Variants in TTBK2 observed in about 807,000 individuals in gnomAD.
TTBK2 encodes tau-tubulin kinase 2.
TTBK2 carries 28 observed loss-of-function variants against 110.8 expected under a neutral mutation model. The observed-to-expected ratio is 0.25, with a 90% CI of 0.19 to 0.35. The LOEUF is 0.35. Among genes scored for constraint, TTBK2 ranks in the 10% least tolerant of loss-of-function variants. The pLI, the probability that TTBK2 is intolerant of heterozygous loss-of-function variation, is 1.00. For missense variants in TTBK2, 1,369 were observed against 1,500.3 expected (o/e 0.91, Z 1.45); for synonymous variants, 532 against 527.3 (o/e 1.01, Z -0.12).
At chr15:42,807,440 G>GGCCGGGTGCGGTGGCTCACGCC (rs1481471908) in intron 9 of TTBK2, among the ~76,000 whole-genome samples, 1 of 151,924 alleles carries the variant, frequency 6.6e-6, no homozygotes, top group African/African-American at 2.4e-5. Flanking sequence ...TTGAGATGGA[G>GGCCGGGTGCGGTGGCTCACGCC]TCTCACCCTG....
chr15:42,800,885 G>T, intron 9 of TTBK2: 1 of 627,732 alleles, frequency 1.6e-6, no homozygotes, highest in Admixed American at 2.7e-5. Context: ...TGGGTCTCCC[G>T]TTCCCTGTGT....
In TTBK2 at chr15:42,775,015, C is replaced by T; in HGVS notation, c.1998+120G>A. 4 of 1,049,210 alleles carry T rather than the reference C, an allele frequency of 3.8e-6. No homozygotes were observed. In the South Asian group the frequency reaches 4.0e-5, roughly 11 times the overall value. 65.0% of individuals were successfully genotyped at this position (1,049,210 alleles called of 1,614,324 possible). A position where few individuals can be genotyped will look rare whatever the true frequency, so the allele number is the denominator to read the frequency against. On this transcript the variant is annotated intron_variant, in intron 13 of 14. Transcript: ENST00000267890. The stretch of plus-strand genomic sequence containing the variant: ...TATAGAACTTAGTACAAAATCACTC[C>T]CTGGGCCATCTGCAAAATTTAGGCC...
At chr15:42,865,862 T>C (rs1181397510) in intron 3 of TTBK2, among the ~76,000 whole-genome samples, 1 of 151,936 alleles carries the variant, frequency 6.6e-6, no homozygotes, top group African/African-American at 2.4e-5. Context: ...AGACAACAGA[T>C]AGAAAACAAT....
chr15:42,786,277 A>T (rs949447559), intron 10 of TTBK2, among the ~76,000 whole-genome samples: 2 of 152,230 alleles, frequency 1.3e-5, no homozygotes, highest in African/African-American at 2.4e-5. Flanking sequence ...TAAAGATCAG[A>T]AATAAACTGG....
At chr15:42,893,758 A>T (rs1895558718) in intron 1 of TTBK2, among the ~76,000 whole-genome samples, 1 of 152,112 alleles carries the variant, frequency 6.6e-6, no homozygotes, top group African/African-American at 2.4e-5. Context: ...AAAAGAACTC[A>T]CAAATAATCA....
chr15:42,881,731 C>T (rs1464887430), intron 1 of TTBK2, among the ~76,000 whole-genome samples: 7 of 151,604 alleles, frequency 4.6e-5, no homozygotes, highest in African/African-American at 1.2e-4. Context: ...AATTAGCGGG[C>T]GTGGTAGTAG....
intron 11 of TTBK2, among the ~76,000 whole-genome samples, chr15:42,779,312 G>A (rs1382204368): frequency 6.6e-6 from 1 of 151,928 alleles, no homozygotes; most frequent in Non-Finnish European, 1.5e-5. Context: ...GGGAGGCTGA[G>A]GCAGGAGAAT....
chr15:42,890,039 G>T (rs1895392930), intron 1 of TTBK2, among the ~76,000 whole-genome samples: 1 of 152,190 alleles, frequency 6.6e-6, no homozygotes, highest in Non-Finnish European at 1.5e-5. Context: ...TGAAGCAACT[G>T]AAGATCCACA....
At chr15:42,900,146 C>T (rs533799760) in intron 1 of TTBK2, among the ~76,000 whole-genome samples, 3 of 151,278 alleles carry the variant, frequency 2.0e-5, no homozygotes, top group Non-Finnish European at 2.9e-5. Flanking sequence ...GCACCCACCA[C>T]CACGCCCGGC....
intron 10 of TTBK2, among the ~76,000 whole-genome samples, chr15:42,787,721 T>C (rs1890468994): frequency 1.3e-5 from 2 of 152,240 alleles, no homozygotes; most frequent in Admixed American, 1.3e-4. Context: ...CTCTGATCTT[T>C]GTTCTAAAGT....
chr15:42,895,850 C>T (rs1409209005), intron 1 of TTBK2, among the ~76,000 whole-genome samples: 1 of 151,798 alleles, frequency 6.6e-6, no homozygotes, highest in Non-Finnish European at 1.5e-5. Context: ...AAAAAGATTC[C>T]ATTACCACTA....
At chr15:42,860,640 C>CTTTTTTTT (rs796405914) in intron 3 of TTBK2, among the ~76,000 whole-genome samples, 1 of 102,110 alleles carries the variant, frequency 9.8e-6, no homozygotes, top group African/African-American at 3.9e-5. Flanking sequence ...GGTATTCTTT[C>CTTTTTTTT]TTTTTTTTTT....
At position 42,741,498 on chromosome 15, in the gene TTBK2, CCATCTCCT is replaced by C. The variant is rs1393315352; in HGVS notation, c.*4289_*4296del. 2 of 152,226 alleles carry C rather than the reference CCATCTCCT, an allele frequency of 1.3e-5. No homozygotes were observed. Among genetic ancestry groups the C allele is most frequent in the Non-Finnish European group, 2.9e-5 (2 of 68,054 alleles). 9.4% of individuals were successfully genotyped at this position (152,226 alleles called of 1,614,324 possible). A position where few individuals can be genotyped will look rare whatever the true frequency, so the allele number is the denominator to read the frequency against. On this transcript the variant is annotated 3_prime_UTR_variant, in exon 15 of 15. Coordinates refer to ENST00000267890, the MANE Select transcript of TTBK2 (RefSeq NM_173500.4). ...AGCGCAACAGTACTTGTCAACCACT[CCATCTCCT>C]CAGTGACACAGGTGCTAAAGTACCT...
At chr15:42,764,292 C>G (rs1409460625) in intron 13 of TTBK2, among the ~76,000 whole-genome samples, 4 of 152,234 alleles carry the variant, frequency 2.6e-5, no homozygotes, top group Non-Finnish European at 5.9e-5. Context: ...CAAGCTGAAG[C>G]AGGGCAGGGC....
chr15:42,876,771 G>C (rs1412902343), intron 2 of TTBK2, among the ~76,000 whole-genome samples: 1 of 152,078 alleles, frequency 6.6e-6, no homozygotes, highest in Non-Finnish European at 1.5e-5. Context: ...GAAACAAGCA[G>C]TATTAGAGAG....
At chr15:42,898,254 C>G (rs1383241053) in intron 1 of TTBK2, among the ~76,000 whole-genome samples, 1 of 151,960 alleles carries the variant, frequency 6.6e-6, no homozygotes, top group African/African-American at 2.4e-5. Context: ...CCAGACCAAA[C>G]AGAAAATACT....
intron 1 of TTBK2, among the ~76,000 whole-genome samples, chr15:42,886,324 T>C (rs1323619049): frequency 7.9e-5 from 12 of 151,954 alleles, no homozygotes; most frequent in Non-Finnish European, 1.3e-4. Flanking sequence ...ACTAGCCCTC[T>C]CCCACCTGCC....
At chr15:42,840,456 G>A (rs773146286) in intron 3 of TTBK2, 23 bp from the exon 4 acceptor site, 25 of 1,593,096 alleles carry the variant, frequency 1.6e-5, no homozygotes, top group Non-Finnish European at 1.5e-5. Context: ...AGAAAACAGT[G>A]GAAAAGAATA....
In TTBK2 at chr15:42,827,942, C is replaced by A; in HGVS notation, c.523G>T (p.Gly175Cys). The A allele has an allele frequency of 6.2e-7, 1 of 1,613,280 alleles. No homozygotes were observed. The highest frequency in any genetic ancestry group is 1.1e-5 in the South Asian group (1 of 91,024). ...AAAAATCTTACTGGTCTGACGTCAC[C>A]ACAGGAATTGGTAAATTGTCGAGCC... ...GLARQFTNSC[G>C]DVRPPRAVAG... is the part of the protein sequence containing the mutation. The change falls in exon 6 of 15, where the codon GGT becomes TGT. Residue 175 changes from glycine to cysteine, a missense_variant. Physicochemically the swap from Gly to Cys is radical, Grantham distance 159 (BLOSUM62 -3). Coordinates refer to ENST00000267890, the MANE Select transcript of TTBK2 (RefSeq NM_173500.4).
Sources: allele counts gnomAD v4.1 joint callset (sites outside exome capture counted in the v4.1 genomes callset), GRCh38; gene constraint gnomAD v4.1.1; transcripts MANE v1.5; gene names NCBI Gene and HGNC (gene_info 2026-07-23, HGNC 2026-07-21).